The following NRP2 variants were observed in gnomAD, a reference collection of about 807,000 sequenced individuals.
NRP2 encodes the protein neuropilin-2.
In NRP2, 52 loss-of-function variants were observed where a neutral mutation model predicts 110.4. The observed-to-expected ratio is 0.47, with a 90% CI of 0.38 to 0.59. The LOEUF is 0.59. Among genes scored for constraint, NRP2 ranks in the 20% least tolerant of loss-of-function variants. The pLI is 0.00. For missense variants in NRP2, 1,049 were observed against 1,203.0 expected (o/e 0.87, Z 1.89); for synonymous variants, 508 against 468.9 (o/e 1.08, Z -1.08).
At chr2:205,791,661 T>G (rs2058303306) in intron 15 of NRP2, among the ~76,000 whole-genome samples, 1 of 152,164 alleles carries the variant, frequency 6.6e-6, no homozygotes, top group Non-Finnish European at 1.5e-5. Context: ...AAAAATAGAC[T>G]TGGGAAGGAT....
intron 15 of NRP2, among the ~76,000 whole-genome samples, chr2:205,770,134 G>C (rs985066779): frequency 6.6e-6 from 1 of 152,168 alleles, no homozygotes; most frequent in Admixed American, 6.5e-5. Flanking sequence ...GTGGAAGGTG[G>C]TTGTCAGAGG....
At chr2:205,719,728 G>A (rs1047010952) in intron 3 of NRP2, among the ~76,000 whole-genome samples, 1 of 152,158 alleles carries the variant, frequency 6.6e-6, no homozygotes, top group Non-Finnish European at 1.5e-5. Flanking sequence ...CCTTCTGCGG[G>A]GAAGGCAAAC....
intron 3 of NRP2, among the ~76,000 whole-genome samples, chr2:205,718,812 C>T (rs886716516): frequency 1.1e-4 from 17 of 151,948 alleles, no homozygotes; most frequent in African/African-American, 2.9e-4. Context: ...CATGGTGGCA[C>T]GTGCCTGTAA....
Position 205,795,105 on chromosome 2 carries a change from G to A in NRP2, c.*47G>A. On this transcript the variant is annotated 3_prime_UTR_variant, in exon 17 of 17. Transcript: ENST00000357785. ...CTGACGTTTCATTCCAGCAAGAGGG[G>A]CTGGGGAAGATTACATTTTTTTTTC... 2 of 1,557,986 alleles carry A rather than the reference G, an allele frequency of 1.3e-6. No homozygotes were observed. Among genetic ancestry groups the A allele is most frequent in the Middle Eastern group, 1.7e-4 (1 of 5,964 alleles).
Position 205,690,056 on chromosome 2 carries a change from G to C in NRP2, c.73+6693G>C, listed in dbSNP as rs371435104. 1.4e-4 allele frequency among the ~76,000 whole-genome samples: 22 copies of C among 152,322 alleles called. No homozygotes were observed. The East Asian group carries it at 3.7e-3, about 25-fold the overall frequency. On this transcript the variant is annotated intron_variant, in intron 1 of 16. Transcript: ENST00000357785. ...GCCGGCCAGCTGAGTGCACGTGGCC[G>C]TGGTACCCTGCTCCCGCCTCCACAA... is the stretch of plus-strand genomic sequence containing the variant.
intron 13 of NRP2, chr2:205,764,266 A>G (rs2057874434): frequency 2.9e-6 from 1 of 345,586 alleles, no homozygotes; most frequent in Non-Finnish European, 5.4e-6. Flanking sequence ...CCCTCCACAC[A>G]CAAGGAAAGA....
chr2:205,724,727 A>G (rs938280515), intron 5 of NRP2, among the ~76,000 whole-genome samples: 6 of 142,338 alleles, frequency 4.2e-5, no homozygotes, highest in African/African-American at 1.3e-4. Context: ...CAGTGGCTCA[A>G]TCTCACTCTT....
Position 205,685,158 on chromosome 2 carries a change from G to C in NRP2, c.73+1795G>C, listed in dbSNP as rs532448443. Reference sequence around the variant, plus strand: ...ACTCCCGCTCTGCCACCTGCCTGCCGCGCTCTCTGCAGAACCCCCTCCCAT... The same window carrying C: ...ACTCCCGCTCTGCCACCTGCCTGCCCCGCTCTCTGCAGAACCCCCTCCCAT... On this transcript the variant is annotated intron_variant, in intron 1 of 16. Coordinates refer to ENST00000357785, the MANE Select transcript of NRP2 (RefSeq NM_003872.3). Among the ~76,000 whole-genome samples the C allele has an allele frequency of 1.2e-4, 18 of 152,338 alleles. No homozygotes were observed. In the East Asian group the frequency reaches 3.1e-3, roughly 26 times the overall value.
At chr2:205,724,364 AC>A (rs772258349) in intron 5 of NRP2, among the ~76,000 whole-genome samples, 5 of 152,030 alleles carry the variant, frequency 3.3e-5, no homozygotes, top group African/African-American at 4.8e-5. Flanking sequence ...ACCATTTTAA[AC>A]CTCTCTTTCT....
chr2:205,688,002 A>G (rs849532), intron 1 of NRP2, among the ~76,000 whole-genome samples: 133,856 of 152,232 alleles, frequency 0.88, 59,363 homozygotes, highest in East Asian at 0.95. Flanking sequence ...CTGACTCAGG[A>G]TGACCTGAGT....
chr2:205,722,207 ACACACT>A, intron 3 of NRP2: 27 of 491,950 alleles, frequency 5.5e-5, no homozygotes, highest in Middle Eastern at 5.8e-4. Context: ...ACACACACAC[ACACACT>A]TCTCTGTACC....
At chr2:205,773,735 G>C (rs1215513861) in intron 15 of NRP2, among the ~76,000 whole-genome samples, 1 of 152,216 alleles carries the variant, frequency 6.6e-6, no homozygotes, top group African/African-American at 2.4e-5. Flanking sequence ...TCCTTCTCCA[G>C]CCTGAGCACT....
chr2:205,752,419 T>G, intron 11 of NRP2: 1 of 303,658 alleles, frequency 3.3e-6, no homozygotes, highest in East Asian at 9.1e-5. Context: ...CCATCTCCTC[T>G]GAGAGCCAGG....
chr2:205,789,257 A>T (rs2058271142), intron 15 of NRP2, among the ~76,000 whole-genome samples: 1 of 152,238 alleles, frequency 6.6e-6, no homozygotes, highest in Admixed American at 6.5e-5. Flanking sequence ...TTTGAGAGTC[A>T]GTATTTGTAG....
intron 15 of NRP2, among the ~76,000 whole-genome samples, chr2:205,779,894 T>C (rs1335001380): frequency 6.6e-6 from 1 of 152,252 alleles, no homozygotes; most frequent in Non-Finnish European, 1.5e-5. Flanking sequence ...TTTTTATTAC[T>C]GCTTGTTAGG....
At chr2:205,777,603 C>T (rs2058119857) in intron 15 of NRP2, 1 of 152,072 alleles carries the variant, frequency 6.6e-6, no homozygotes, top group Non-Finnish European at 1.5e-5. Context: ...GGTTATTGGG[C>T]CCAACTTGGG....
chr2:205,691,583 A>G (rs1338403168), intron 1 of NRP2, among the ~76,000 whole-genome samples: 1 of 152,284 alleles, frequency 6.6e-6, no homozygotes, highest in East Asian at 1.9e-4. Context: ...TTTCAACATA[A>G]GCTTCAGTTA....
chr2:205,781,845 T>G (rs2058177832), intron 15 of NRP2, among the ~76,000 whole-genome samples: 1 of 152,092 alleles, frequency 6.6e-6, no homozygotes, highest in Non-Finnish European at 1.5e-5. Flanking sequence ...TACAAATAAA[T>G]TAGTAGCTAG....
chr2:205,791,148 G>A (rs1487685117), intron 15 of NRP2, among the ~76,000 whole-genome samples: 1 of 152,172 alleles, frequency 6.6e-6, no homozygotes, highest in Non-Finnish European at 1.5e-5. Context: ...GATGAAGGAA[G>A]CTTTCGGGAT....
Sources: allele counts gnomAD v4.1 joint callset (sites outside exome capture counted in the v4.1 genomes callset), GRCh38; gene constraint gnomAD v4.1.1; transcripts MANE v1.5; gene names NCBI Gene and HGNC (gene_info 2026-07-23, HGNC 2026-07-21).